BICRAL: variants seen among roughly 807,000 people sequenced by gnomAD.
The protein encoded by BICRAL is BRD4-interacting chromatin-remodeling complex-associated protein-like.
In BICRAL, 8 loss-of-function variants were observed where a neutral mutation model predicts 91.8. The ratio of observed to expected loss-of-function variants is 0.09; its 90% CI spans 0.05 to 0.16. BICRAL has a LOEUF of 0.16. Among genes scored for constraint, BICRAL ranks in the 10% least tolerant of loss-of-function variants. The pLI is 1.00. For synonymous variants in BICRAL, 445 were observed against 491.1 expected (o/e 0.91, Z 1.24); for missense variants, 1,038 against 1,310.9 (o/e 0.79, Z 3.21).
At chr6:42,755,461 T>A (rs1417488824) in intron 1 of BICRAL, among the ~76,000 whole-genome samples, 1 of 152,060 alleles carries the variant, frequency 6.6e-6, no homozygotes, top group Non-Finnish European at 1.5e-5. Context: ...CCCAAGACCC[T>A]CACTGCCTGT....
intron 1 of BICRAL, among the ~76,000 whole-genome samples, chr6:42,766,700 G>T (rs891722797): frequency 6.6e-6 from 1 of 152,070 alleles, no homozygotes; most frequent in Non-Finnish European, 1.5e-5. Flanking sequence ...TTAGCTGGGT[G>T]TGGTGGTGAG....
intron 6 of BICRAL, among the ~76,000 whole-genome samples, chr6:42,834,212 A>G (rs1052855566): frequency 3.9e-5 from 6 of 152,190 alleles, no homozygotes; most frequent in Non-Finnish European, 5.9e-5. Flanking sequence ...GATTCAGTAC[A>G]TTTTTAACAG....
At chr6:42,804,081 G>A (rs1228710487) in intron 1 of BICRAL, among the ~76,000 whole-genome samples, 1 of 152,164 alleles carries the variant, frequency 6.6e-6, no homozygotes, top group East Asian at 1.9e-4. Flanking sequence ...GGAGTGCAAT[G>A]GCATGATCTC....
chr6:42,793,049 G>C (rs1763319211), intron 1 of BICRAL, among the ~76,000 whole-genome samples: 1 of 147,554 alleles, frequency 6.8e-6, no homozygotes, highest in Non-Finnish European at 1.5e-5. Flanking sequence ...CCACCTCCCG[G>C]GTTTAAGTGA....
chr6:42,801,939 A>T (rs554347570), intron 1 of BICRAL, among the ~76,000 whole-genome samples: 1 of 152,164 alleles, frequency 6.6e-6, no homozygotes, highest in Non-Finnish European at 1.5e-5. Context: ...TGCATTAGGA[A>T]AAACATAAAT....
chr6:42,790,649 A>G (rs1763245103), intron 1 of BICRAL, among the ~76,000 whole-genome samples: 1 of 152,050 alleles, frequency 6.6e-6, no homozygotes, highest in African/African-American at 2.4e-5. Context: ...AGAGAAAATA[A>G]GAATGGAGTA....
At chr6:42,822,212 T>G in intron 3 of BICRAL, 149 bp downstream of exon 3, 1 of 563,178 alleles carries the variant, frequency 1.8e-6, no homozygotes, top group Non-Finnish European at 3.2e-6. Context: ...GAGACATGAT[T>G]AACATAGGGG....
intron 6 of BICRAL, among the ~76,000 whole-genome samples, chr6:42,836,418 C>G (rs548782724): frequency 6.6e-6 from 1 of 152,164 alleles, no homozygotes; most frequent in African/African-American, 2.4e-5. Flanking sequence ...GCATTGGGAA[C>G]TAGGTCAGTT....
At chr6:42,826,539 T>C (rs1344062880) in intron 5 of BICRAL, among the ~76,000 whole-genome samples, 1 of 151,866 alleles carries the variant, frequency 6.6e-6, no homozygotes, top group Non-Finnish European at 1.5e-5. Context: ...CCAGCCTCCA[T>C]GTTCTTAACC....
At chr6:42,811,331 G>A (rs1390004566) in intron 2 of BICRAL, among the ~76,000 whole-genome samples, 1 of 151,912 alleles carries the variant, frequency 6.6e-6, no homozygotes, top group Non-Finnish European at 1.5e-5. Context: ...GGTTAAAATG[G>A]CCTAAGTTTG....
At chr6:42,832,378 T>C (rs1046170047) in intron 6 of BICRAL, among the ~76,000 whole-genome samples, 2 of 146,802 alleles carry the variant, frequency 1.4e-5, no homozygotes, top group East Asian at 2.0e-4. Flanking sequence ...TATATATATA[T>C]GTATGTATGT....
chr6:42,769,958 C>G (rs1436895514), intron 1 of BICRAL, among the ~76,000 whole-genome samples: 1 of 152,156 alleles, frequency 6.6e-6, no homozygotes, highest in Non-Finnish European at 1.5e-5. Flanking sequence ...AAGCTGGTCA[C>G]AGTCTCATGA....
intron 5 of BICRAL, among the ~76,000 whole-genome samples, chr6:42,825,069 G>A (rs1764252525): frequency 6.6e-6 from 1 of 152,048 alleles, no homozygotes; most frequent in Non-Finnish European, 1.5e-5. Context: ...GACCAGCCTG[G>A]CCAACATAGT....
In BICRAL at chr6:42,818,245, TGTAA is replaced by T. The variant is rs889306130; in HGVS notation, c.-5-3767_-5-3764del. ...CAATATTAATTTTTATTTCCCTTAT[TGTAA>T]GTAAGGTTGATTATTTTATATGCTT... is the stretch of plus-strand genomic sequence containing the variant. On this transcript the variant is annotated intron_variant, in intron 2 of 12. Transcript: ENST00000314073. Among the ~76,000 whole-genome samples the T allele has an allele frequency of 5.3e-5, 8 of 152,296 alleles. No individual in the cohort carries two copies. The East Asian group carries it at 1.5e-3, about 29-fold the overall frequency.
chr6:42,815,407 G>A (rs1332148936), intron 2 of BICRAL, among the ~76,000 whole-genome samples: 2 of 151,740 alleles, frequency 1.3e-5, no homozygotes, highest in African/African-American at 4.8e-5. Flanking sequence ...GGCCAGGTTG[G>A]TCTCAAACTC....
At chr6:42,748,844 T>A (rs571813727) in intron 1 of BICRAL, among the ~76,000 whole-genome samples, 5 of 152,346 alleles carry the variant, frequency 3.3e-5, no homozygotes, top group Admixed American at 2.6e-4. Flanking sequence ...ATTGCCCGGC[T>A]GTGTTTGCAT....
At chr6:42,811,076 C>T (rs184272447) in intron 2 of BICRAL, among the ~76,000 whole-genome samples, 22 of 152,232 alleles carry the variant, frequency 1.4e-4, no homozygotes, top group Admixed American at 3.3e-4. Context: ...ATCGAGTAAC[C>T]GGGTCTGGAT....
chr6:42,793,122 A>ATT lies in BICRAL; in HGVS notation c.-102+11059_-102+11060dup, dbSNP rs1159342197. ...AAGCGCATGCCACCATGCCCAGCTA[A>ATT]TTTTTTTTTTTTTTTTTTTTTTTTT... On this transcript the variant is annotated intron_variant, in intron 1 of 12. Coordinates refer to ENST00000314073, the MANE Select transcript of BICRAL (RefSeq NM_001393499.1). Among the ~76,000 whole-genome samples, 32 of 37,254 alleles carry ATT rather than the reference A, an allele frequency of 8.6e-4. 7 individuals carry two copies. Among genetic ancestry groups the ATT allele is most frequent in the African/African-American group, 1.8e-3 (15 of 8,428 alleles). 24.4% of individuals were successfully genotyped at this position (37,254 alleles called of 152,430 possible).
chr6:42,797,979 A>G (rs1055516698), intron 1 of BICRAL, among the ~76,000 whole-genome samples: 2 of 152,168 alleles, frequency 1.3e-5, no homozygotes, highest in Non-Finnish European at 2.9e-5. Flanking sequence ...ATGTCTCAAA[A>G]ATAAATAAAT....
Sources: gnomAD v4.1 joint callset for allele counts (sites outside exome capture counted in the v4.1 genomes callset) on GRCh38, gnomAD v4.1.1 for gene constraint, MANE v1.5 for transcripts, NCBI Gene and HGNC (gene_info 2026-07-23, HGNC 2026-07-21) for gene names.